The following ENTREP2 variants were observed in gnomAD, a reference collection of about 807,000 sequenced individuals.
The protein encoded by ENTREP2 is protein ENTREP2.
the ENTREP2 span, among the ~76,000 whole-genome samples, chr15:29,241,861 C>A: frequency 6.6e-6 from 1 of 151,968 alleles, no homozygotes; most frequent in Admixed American, 6.6e-5. Flanking sequence ...AGTGAGACCC[C>A]CCCCCACCAC....
chr15:29,223,681 A>G, the ENTREP2 span, among the ~76,000 whole-genome samples: 2 of 152,160 alleles, frequency 1.3e-5, no homozygotes, highest in East Asian at 3.9e-4. Context: ...CGGGCCCAGT[A>G]GAACTCCTGT....
chr15:29,325,158 T>C, the ENTREP2 span, among the ~76,000 whole-genome samples: 1 of 152,152 alleles, frequency 6.6e-6, no homozygotes, highest in Admixed American at 6.5e-5. Context: ...AAATACAACT[T>C]ATCACTATTG....
chr15:29,199,592 T>G, the ENTREP2 span, among the ~76,000 whole-genome samples: 5 of 152,318 alleles, frequency 3.3e-5, no homozygotes, highest in Admixed American at 3.3e-4. Flanking sequence ...ACTAAACAAA[T>G]AATAAAACAA....
the ENTREP2 span, among the ~76,000 whole-genome samples, chr15:29,149,899 C>A: frequency 2.6e-5 from 4 of 152,208 alleles, no homozygotes; most frequent in African/African-American, 9.6e-5. Flanking sequence ...TGCTTCCAAG[C>A]CAGGGTGTGA....
the ENTREP2 span, among the ~76,000 whole-genome samples, chr15:29,350,424 G>C: frequency 6.6e-6 from 1 of 151,878 alleles, no homozygotes; most frequent in Admixed American, 6.6e-5. Flanking sequence ...TCTTTTCAAA[G>C]AATTTTTGAT....
chr15:29,635,065 A>G, the ENTREP2 span, among the ~76,000 whole-genome samples: 1 of 151,974 alleles, frequency 6.6e-6, no homozygotes, highest in African/African-American at 2.4e-5. Flanking sequence ...GGATGGTCTC[A>G]ATCTCCTGAC....
the ENTREP2 span, among the ~76,000 whole-genome samples, chr15:29,404,193 C>T: frequency 2.6e-5 from 4 of 152,068 alleles, no homozygotes; most frequent in Non-Finnish European, 5.9e-5. Context: ...ATGATAGCCC[C>T]GGTGAAAAGA....
At chr15:29,642,482 C>CACAT in the ENTREP2 span, among the ~76,000 whole-genome samples, 14 of 134,584 alleles carry the variant, frequency 1.0e-4, no homozygotes, top group South Asian at 2.4e-4. Flanking sequence ...TGTATATACA[C>CACAT]ATATATACAT....
the ENTREP2 span, among the ~76,000 whole-genome samples, chr15:29,130,329 C>T: frequency 4.5e-4 from 68 of 152,208 alleles, no homozygotes; most frequent in African/African-American, 1.6e-3. Context: ...TCAGCACCCA[C>T]CTGCTTTTTC....
At chr15:29,610,287 A>C in the ENTREP2 span, 1 of 150,642 alleles carries the variant, frequency 6.6e-6, no homozygotes, top group Non-Finnish European at 1.5e-5. Context: ...ACAGCTGTCC[A>C]GGATAAATAC....
At chr15:29,537,076 C>T in the ENTREP2 span, among the ~76,000 whole-genome samples, 2 of 152,148 alleles carry the variant, frequency 1.3e-5, no homozygotes, top group Admixed American at 6.5e-5. Context: ...TTCTTCTGGA[C>T]CTTTTTATGT....
At chr15:29,285,543 A>G in the ENTREP2 span, among the ~76,000 whole-genome samples, 1 of 152,248 alleles carries the variant, frequency 6.6e-6, no homozygotes, top group Non-Finnish European at 1.5e-5. Flanking sequence ...AGTTTGAATA[A>G]TTCTAGGAGC....
the ENTREP2 span, among the ~76,000 whole-genome samples, chr15:29,627,933 T>C: frequency 1.3e-5 from 2 of 152,254 alleles, no homozygotes; most frequent in African/African-American, 2.4e-5. Flanking sequence ...TTGTGAATAA[T>C]GCTGCTGTGA....
the ENTREP2 span, chr15:29,376,257 G>A: frequency 6.6e-6 from 1 of 151,944 alleles, no homozygotes; most frequent in African/African-American, 2.4e-5. Context: ...AACTTATACC[G>A]CCTGTGATTG....
chr15:29,576,746 G>A, the ENTREP2 span, among the ~76,000 whole-genome samples: 1 of 152,202 alleles, frequency 6.6e-6, no homozygotes, highest in Admixed American at 6.5e-5. Flanking sequence ...TTGGGGAAAT[G>A]CAAATTAAAA....
the ENTREP2 span, among the ~76,000 whole-genome samples, chr15:29,447,926 C>T: frequency 2.6e-5 from 4 of 151,862 alleles, no homozygotes; most frequent in East Asian, 5.8e-4. Flanking sequence ...ATTAGCTGGG[C>T]GTGGTGGCAA....
chr15:29,486,775 A>C, the ENTREP2 span, among the ~76,000 whole-genome samples: 1 of 152,190 alleles, frequency 6.6e-6, no homozygotes, highest in South Asian at 2.1e-4. Flanking sequence ...TAAGCAAAGT[A>C]AGTCAGGCAC....
At chr15:29,507,082 C>CAA in the ENTREP2 span, among the ~76,000 whole-genome samples, 8 of 148,550 alleles carry the variant, frequency 5.4e-5, no homozygotes, top group Non-Finnish European at 7.5e-5. Context: ...AAATGGAAAG[C>CAA]AAAAAAAAAG....
chr15:29,284,535 T>A, the ENTREP2 span, among the ~76,000 whole-genome samples: 271 of 141,712 alleles, frequency 1.9e-3, no homozygotes, highest in African/African-American at 7.1e-3. Flanking sequence ...CCAGCCTGGG[T>A]GACAGAGAGA....
Sources: allele counts gnomAD v4.1 joint callset (sites outside exome capture counted in the v4.1 genomes callset), GRCh38; gene constraint gnomAD v4.1.1; transcripts MANE v1.5; gene names NCBI Gene and HGNC (gene_info 2026-07-23, HGNC 2026-07-21).